The following DDX52 variants were observed in gnomAD, a reference collection of about 807,000 sequenced individuals.
DDX52 encodes the protein probable ATP-dependent RNA helicase DDX52.
In DDX52, 59 loss-of-function variants were observed where a neutral mutation model predicts 76.1. The observed-to-expected ratio is 0.78, with a 90% CI of 0.63 to 0.96. DDX52 has a LOEUF of 0.96. DDX52 is among the 40% of genes least tolerant of loss of function. The pLI is 0.00. For missense variants in DDX52, 707 were observed against 703.9 expected (o/e 1.00, Z -0.05); for synonymous variants, 231 against 244.1 (o/e 0.95, Z 0.50).
chr17:37,638,846 T>C (rs76047503), intron 2 of DDX52, among the ~76,000 whole-genome samples: 8,187 of 150,290 alleles, frequency 0.054, 503 homozygotes, highest in East Asian at 0.3. Context: ...CTCAGCTCAC[T>C]GCAACCTCCA....
Position 37,632,290 on chromosome 17 carries a change from G to A in DDX52, c.426C>T (p.Phe142=). The change falls in exon 4 of 15, where the codon TTC becomes TTT. Residue 142 remains phenylalanine (F), a synonymous_variant. Transcript: ENST00000617633. ...CGTGAATTTTGTGTTTATTCCGCAA[G>A]AAGTTTATCTGAAAAGTGAAGTAAA... is the stretch of plus-strand genomic sequence containing the variant. The part of the protein sequence containing the change: ...LENLRKEKIN[F]LRNKHKIHVQ... 3 of 1,614,002 alleles carry A rather than the reference G, an allele frequency of 1.9e-6. No homozygotes were observed. The highest frequency in any genetic ancestry group is 2.5e-6 in the Non-Finnish European group (3 of 1,179,978).
chr17:37,618,464 C>T, intron 13 of DDX52, 80 bp from the exon 14 acceptor site: 6 of 1,215,224 alleles, frequency 4.9e-6, no homozygotes, highest in Non-Finnish European at 6.8e-6. Flanking sequence ...TAGTTTTGAT[C>T]CTTGATCACA....
intron 2 of DDX52, among the ~76,000 whole-genome samples, chr17:37,633,802 CAAGT>C (rs891654392): frequency 6.6e-6 from 1 of 151,944 alleles, no homozygotes; most frequent in African/African-American, 2.4e-5. Context: ...AATGAAAAGG[CAAGT>C]TCTGTGTTGG....
chr17:37,643,425 A>T lies in DDX52; in HGVS notation c.-5T>A, dbSNP rs987704803. The T allele has an allele frequency of 6.2e-7, 1 of 1,613,634 alleles. No individual in the cohort carries two copies. Among genetic ancestry groups the T allele is most frequent in the Non-Finnish European group, 8.5e-7 (1 of 1,179,868 alleles). On this transcript the variant is annotated 5_prime_UTR_variant, in exon 1 of 15. Coordinates refer to ENST00000617633, the MANE Select transcript of DDX52 (RefSeq NM_007010.5). ...AAAGAGATCGTGGACGTCCATCTTTACCCAGAAAGCGCCACAGTTCTACGG... is the reference window on the plus strand; with the variant it reads ...AAAGAGATCGTGGACGTCCATCTTTTCCCAGAAAGCGCCACAGTTCTACGG...
chr17:37,621,591 T>C, intron 9 of DDX52, 71 bp from the exon 10 acceptor site: 2 of 1,513,474 alleles, frequency 1.3e-6, no homozygotes, highest in Admixed American at 2.3e-5. Flanking sequence ...CATAATTTGA[T>C]TGTAGCTTTT....
At position 37,611,258 on chromosome 17, in the gene DDX52, G is replaced by C. The variant is rs1408083106; in HGVS notation, c.*3038C>G. 1 of 152,206 alleles carries C rather than the reference G, an allele frequency of 6.6e-6. No homozygotes were observed. Among genetic ancestry groups the C allele is most frequent in the African/African-American group, 2.4e-5 (1 of 41,426 alleles). The allele number at this position is 152,206 out of a possible 1,614,324, so 9.4% of individuals were successfully genotyped here. On this transcript the variant is annotated 3_prime_UTR_variant, in exon 15 of 15. Coordinates refer to ENST00000617633, the MANE Select transcript of DDX52 (RefSeq NM_007010.5). ...GATACAATGGTGGGATGAGAAGTGG[G>C]GGTGGAAGACAGTGAGACTGATGAT... is the stretch of plus-strand genomic sequence containing the variant.
intron 14 of DDX52, among the ~76,000 whole-genome samples, chr17:37,616,184 C>T (rs1196133055): frequency 6.6e-6 from 1 of 152,080 alleles, no homozygotes; most frequent in Non-Finnish European, 1.5e-5. Context: ...GCTTTAAGAC[C>T]ATCCAAAGAG....
Position 37,612,297 on chromosome 17 carries a change from A to G in DDX52, c.*1999T>C, listed in dbSNP as rs899933691. 1.3e-5 allele frequency: 2 copies of G among 152,030 alleles called. No homozygotes were observed. The highest frequency in any genetic ancestry group is 2.4e-5 in the African/African-American group (1 of 41,386). 9.4% of individuals were successfully genotyped at this position (152,030 alleles called of 1,614,324 possible). A position where few individuals can be genotyped will look rare whatever the true frequency, so the allele number is the denominator to read the frequency against. On this transcript the variant is annotated 3_prime_UTR_variant, in exon 15 of 15. Coordinates refer to ENST00000617633, the MANE Select transcript of DDX52 (RefSeq NM_007010.5). The stretch of plus-strand genomic sequence containing the variant: ...TGCCATGTTGCCCGGGCTGGTCTCT[A>G]AACTCCTGAGCTCAGACAACCTGCC...
chr17:37,641,808 T>C (rs924679864), intron 2 of DDX52, among the ~76,000 whole-genome samples: 4 of 152,160 alleles, frequency 2.6e-5, no homozygotes, highest in Non-Finnish European at 5.9e-5. Context: ...GACAAGGACT[T>C]GGGAAGTCAC....
chr17:37,625,709 CCTT>C (rs928010274), intron 8 of DDX52, among the ~76,000 whole-genome samples, 183 bp downstream of exon 8: 1 of 152,048 alleles, frequency 6.6e-6, no homozygotes, highest in Non-Finnish European at 1.5e-5. Flanking sequence ...AATGTAAAAA[CCTT>C]CTTTTAGATT....
intron 2 of DDX52, chr17:37,639,403 C>A (rs2031082243): frequency 8.1e-6 from 8 of 990,498 alleles, no homozygotes; most frequent in Non-Finnish European, 9.6e-6. Context: ...TGACCCAAAT[C>A]ATTACTAATT....
intron 1 of DDX52, 94 bp from the exon 2 acceptor site, chr17:37,642,402 C>A: frequency 7.3e-7 from 1 of 1,369,938 alleles, no homozygotes; most frequent in South Asian, 1.3e-5. Flanking sequence ...TCTTTTCTAC[C>A]CTTTCACCAA....
intron 12 of DDX52, 62 bp from the exon 13 acceptor site, chr17:37,619,901 A>C: frequency 6.5e-7 from 1 of 1,534,826 alleles, no homozygotes; most frequent in Non-Finnish European, 9.0e-7. Context: ...TATGAATGTA[A>C]ACCCTCTGCA....
At chr17:37,639,382 T>C (rs1272396314) in intron 2 of DDX52, 25 of 987,374 alleles carry the variant, frequency 2.5e-5, no homozygotes, top group Non-Finnish European at 3.0e-5. Context: ...TATGAGACAG[T>C]TGGTACTAAA....
At chr17:37,633,874 C>G (rs571219526) in intron 2 of DDX52, among the ~76,000 whole-genome samples, 110 of 150,498 alleles carry the variant, frequency 7.3e-4, no homozygotes, top group African/African-American at 2.7e-3. Flanking sequence ...CAGCAGTGTA[C>G]TTAGTATACT....
Position 37,632,199 on chromosome 17 carries a change from T to G in DDX52, c.517A>C (p.Asn173His), listed in dbSNP as rs2030714620. The change falls in exon 4 of 15, where the codon AAT becomes CAT. Residue 173 changes from asparagine (N) to histidine (H), a missense_variant. Transcript: ENST00000617633. ...AGAATGTTCTGAAGTAGTCGAGAAT[T>G]GATTTTATATTCCTGGTCAAGTTGC... ...FQQLDQEYKI[N>H]SRLLQNILDA... 4.3e-6 allele frequency: 7 copies of G among 1,613,878 alleles called. No homozygotes were observed. Among genetic ancestry groups the G allele is most frequent in the Non-Finnish European group, 5.9e-6 (7 of 1,179,988 alleles).
rs189994910 is a variant in DDX52, at chr17:37,638,465, A to G, written c.286+3645T>C. ...ATTGGTGTACAAATACAGAAACAGA[A>G]TAGAAGAGGTCCAGAGACAGACTTG... On this transcript the variant is annotated intron_variant, in intron 2 of 14. Transcript: ENST00000617633. 1.5e-4 allele frequency among the ~76,000 whole-genome samples: 23 copies of G among 152,326 alleles called. No homozygotes were observed. The East Asian group carries it at 4.4e-3, about 29-fold the overall frequency.
chr17:37,627,761 G>A (rs896744719), intron 6 of DDX52, among the ~76,000 whole-genome samples: 3 of 151,660 alleles, frequency 2.0e-5, no homozygotes, highest in African/African-American at 4.8e-5. Flanking sequence ...GGGTGAGGAT[G>A]TAAGCCGTTC....
chr17:37,616,947 C>G (rs1344684269), intron 14 of DDX52, among the ~76,000 whole-genome samples: 2 of 152,134 alleles, frequency 1.3e-5, no homozygotes, highest in Non-Finnish European at 2.9e-5. Flanking sequence ...CATCTTGTTC[C>G]CTTCTCCATG....
Sources: gnomAD v4.1 joint callset for allele counts (sites outside exome capture counted in the v4.1 genomes callset) on GRCh38, gnomAD v4.1.1 for gene constraint, MANE v1.5 for transcripts, NCBI Gene and HGNC (gene_info 2026-07-23, HGNC 2026-07-21) for gene names.